Variants in PDGFC observed in about 807,000 individuals in gnomAD.
The protein encoded by PDGFC is platelet derived growth factor C.
Under a neutral mutation model 35.5 loss-of-function variants are expected in PDGFC, and 12 were observed. The ratio of observed to expected loss-of-function variants is 0.34; its 90% confidence interval spans 0.22 to 0.55. The LOEUF is 0.55. PDGFC is among the 20% of genes least tolerant of loss of function. PDGFC has a pLI of 0.91. For synonymous variants in PDGFC, 159 were observed against 148.8 expected (o/e 1.07, Z -0.50); for missense variants, 322 against 412.4 (o/e 0.78, Z 1.90).
At chr4:156,786,170 A>T (rs1367925730) in intron 3 of PDGFC, among the ~76,000 whole-genome samples, 1 of 152,144 alleles carries the variant, frequency 6.6e-6, no homozygotes, top group African/African-American at 2.4e-5. Context: ...TGAGCAACTA[A>T]TACGAGCCAG....
chr4:156,837,151 A>C (rs1729082280), intron 2 of PDGFC, among the ~76,000 whole-genome samples: 1 of 152,256 alleles, frequency 6.6e-6, no homozygotes, highest in Non-Finnish European at 1.5e-5. Flanking sequence ...TTGAGACAAG[A>C]AAGGCCAAAA....
chr4:156,892,645 T>C (rs1365801277), intron 1 of PDGFC, among the ~76,000 whole-genome samples: 2 of 152,158 alleles, frequency 1.3e-5, no homozygotes, highest in East Asian at 3.9e-4. Flanking sequence ...AAACATATAA[T>C]AAATTTAAAA....
At chr4:156,941,670 T>G (rs1358832517) in intron 1 of PDGFC, among the ~76,000 whole-genome samples, 1 of 152,190 alleles carries the variant, frequency 6.6e-6, no homozygotes, top group Non-Finnish European at 1.5e-5. Flanking sequence ...ATGATCCTTC[T>G]TTCAACTTTT....
intron 5 of PDGFC, among the ~76,000 whole-genome samples, chr4:156,765,150 A>G (rs973810843): frequency 6.6e-6 from 1 of 152,190 alleles, no homozygotes; most frequent in Non-Finnish European, 1.5e-5. Context: ...GTCCTGGATA[A>G]GAAATTCTAA....
At chr4:156,824,359 CAT>C (rs1247339920) in intron 2 of PDGFC, among the ~76,000 whole-genome samples, 1 of 128,492 alleles carries the variant, frequency 7.8e-6, no homozygotes, top group Non-Finnish European at 1.5e-5. Flanking sequence ...CATATACACA[CAT>C]ATATACACAC....
intron 2 of PDGFC, among the ~76,000 whole-genome samples, chr4:156,815,323 TACAC>T (rs3042796): frequency 0.12 from 17,331 of 144,884 alleles, 1,039 homozygotes; most frequent in Non-Finnish European, 0.13. Flanking sequence ...AATAATTTTT[TACAC>T]ACACACACAC....
chr4:156,831,355 C>A (rs1728927123), intron 2 of PDGFC, among the ~76,000 whole-genome samples: 1 of 151,650 alleles, frequency 6.6e-6, no homozygotes, highest in Non-Finnish European at 1.5e-5. Context: ...TGCTGGTATT[C>A]CTAGCTAGTT....
At chr4:156,932,327 T>C (rs1296433329) in intron 1 of PDGFC, among the ~76,000 whole-genome samples, 2 of 152,188 alleles carry the variant, frequency 1.3e-5, no homozygotes, top group African/African-American at 4.8e-5. Flanking sequence ...ATTTTCACGA[T>C]ATTGATTCTT....
At chr4:156,769,523 A>C (rs1730634517) in intron 4 of PDGFC, among the ~76,000 whole-genome samples, 1 of 152,012 alleles carries the variant, frequency 6.6e-6, no homozygotes, top group East Asian at 1.9e-4. Context: ...ATCCCAATTC[A>C]ATGAGTCCAT....
intron 1 of PDGFC, among the ~76,000 whole-genome samples, chr4:156,968,182 T>G (rs1732509806): frequency 6.6e-6 from 1 of 152,098 alleles, no homozygotes; most frequent in Non-Finnish European, 1.5e-5. Context: ...CAGCCCGAGG[T>G]ACCTGATTGA....
chr4:156,918,914 G>T (rs139097759), intron 1 of PDGFC, among the ~76,000 whole-genome samples: 6 of 152,152 alleles, frequency 3.9e-5, no homozygotes, highest in Middle Eastern at 6.8e-3. Flanking sequence ...AGTTCATGAC[G>T]GTTTTTGGTA....
chr4:156,920,002 C>G (rs537738456), intron 1 of PDGFC, among the ~76,000 whole-genome samples: 1 of 152,178 alleles, frequency 6.6e-6, no homozygotes, highest in South Asian at 2.1e-4. Flanking sequence ...CATGCCAGAT[C>G]AAAAAGAGCC....
At chr4:156,771,783 T>G (rs779723035) in intron 4 of PDGFC, among the ~76,000 whole-genome samples, 1 of 152,326 alleles carries the variant, frequency 6.6e-6, no homozygotes, top group East Asian at 1.9e-4. Flanking sequence ...ATTCCTTTCA[T>G]ATAAATTCTC....
chr4:156,914,771 T>C (rs950777957), intron 1 of PDGFC, among the ~76,000 whole-genome samples: 3 of 152,182 alleles, frequency 2.0e-5, no homozygotes, highest in African/African-American at 4.8e-5. Flanking sequence ...GAGAATTATA[T>C]GCTCAGATTG....
chr4:156,831,955 T>C (rs1327824254), intron 2 of PDGFC, among the ~76,000 whole-genome samples: 3 of 152,176 alleles, frequency 2.0e-5, no homozygotes, highest in African/African-American at 7.2e-5. Flanking sequence ...TTTATGCAAC[T>C]TGCTGGGTTT....
intron 1 of PDGFC, among the ~76,000 whole-genome samples, chr4:156,930,589 C>T (rs575997662): frequency 3.3e-5 from 5 of 152,146 alleles, no homozygotes; most frequent in South Asian, 2.1e-4. Flanking sequence ...AGGTTTAGGC[C>T]GGGCGCAGCG....
chr4:156,819,703 A>G (rs1732196606), intron 2 of PDGFC, among the ~76,000 whole-genome samples: 1 of 152,214 alleles, frequency 6.6e-6, no homozygotes, highest in Non-Finnish European at 1.5e-5. Flanking sequence ...TGCTAACTCA[A>G]TATCTATTCT....
At chr4:156,836,904 A>G (rs1008811298) in intron 2 of PDGFC, among the ~76,000 whole-genome samples, 1 of 152,196 alleles carries the variant, frequency 6.6e-6, no homozygotes, top group Non-Finnish European at 1.5e-5. Flanking sequence ...ATAAATTTTA[A>G]GTCAGAATCT....
At chr4:156,781,195 A>T (rs1730971254) in intron 3 of PDGFC, among the ~76,000 whole-genome samples, 1 of 152,120 alleles carries the variant, frequency 6.6e-6, no homozygotes, top group African/African-American at 2.4e-5. Context: ...TTTCTGTGCT[A>T]CACTCCATAT....
Sources: gnomAD v4.1 joint callset for allele counts (sites outside exome capture counted in the v4.1 genomes callset) on GRCh38, gnomAD v4.1.1 for gene constraint, MANE v1.5 for transcripts, NCBI Gene and HGNC (gene_info 2026-07-23, HGNC 2026-07-21) for gene names.